SAMTOR: variants seen among roughly 807,000 people sequenced by gnomAD.
The protein encoded by SAMTOR is S-adenosylmethionine sensor upstream of mTORC1.
the SAMTOR span, among the ~76,000 whole-genome samples, chr7:112,850,729 G>C: frequency 1.3e-5 from 2 of 152,110 alleles, no homozygotes; most frequent in East Asian, 1.9e-4. Flanking sequence ...ATGATTTTTT[G>C]TATTTCTGCA....
At chr7:112,927,059 T>C in the SAMTOR span, among the ~76,000 whole-genome samples, 10 of 152,024 alleles carry the variant, frequency 6.6e-5, no homozygotes, top group Non-Finnish European at 1.3e-4. Flanking sequence ...TGAGAAAAAG[T>C]ATTTTCATAA....
the SAMTOR span, among the ~76,000 whole-genome samples, chr7:112,856,221 GAA>G: frequency 6.6e-6 from 1 of 151,096 alleles, no homozygotes; most frequent in African/African-American, 2.4e-5. Context: ...TTTTAAAAAA[GAA>G]AAGTGTATTA....
the SAMTOR span, among the ~76,000 whole-genome samples, chr7:112,862,517 G>A: frequency 3.9e-5 from 6 of 152,146 alleles, no homozygotes; most frequent in African/African-American, 7.2e-5. Context: ...GCCTTGAGAC[G>A]TAGAAAATAA....
the SAMTOR span, among the ~76,000 whole-genome samples, chr7:112,908,583 A>G: frequency 6.6e-6 from 1 of 152,220 alleles, no homozygotes; most frequent in Non-Finnish European, 1.5e-5. Flanking sequence ...AAATACAGTA[A>G]TTCTCATATT....
the SAMTOR span, among the ~76,000 whole-genome samples, chr7:112,917,912 G>T: frequency 6.6e-6 from 1 of 152,162 alleles, no homozygotes; most frequent in Admixed American, 6.5e-5. Flanking sequence ...AGAATAAAAA[G>T]AAATGAACAA....
chr7:112,869,243 G>A, the SAMTOR span, among the ~76,000 whole-genome samples: 2 of 152,118 alleles, frequency 1.3e-5, no homozygotes, highest in Non-Finnish European at 2.9e-5. Flanking sequence ...GGACCAGAGC[G>A]TGTGGGCTGA....
chr7:112,910,925 A>C, the SAMTOR span, among the ~76,000 whole-genome samples: 31 of 152,198 alleles, frequency 2.0e-4, no homozygotes. Context: ...AGAAATCATG[A>C]GAGATGAGAA....
At chr7:112,899,378 A>T in the SAMTOR span, among the ~76,000 whole-genome samples, 2 of 152,112 alleles carry the variant, frequency 1.3e-5, no homozygotes, top group Non-Finnish European at 2.9e-5. Flanking sequence ...CAAAATACAG[A>T]ATCAGGGGAG....
the SAMTOR span, among the ~76,000 whole-genome samples, chr7:112,851,886 C>G: frequency 6.6e-6 from 1 of 152,112 alleles, no homozygotes; most frequent in South Asian, 2.1e-4. Context: ...AAGTTTCCAA[C>G]AAATATATGA....
chr7:112,914,141 G>A, the SAMTOR span, among the ~76,000 whole-genome samples: 2 of 152,226 alleles, frequency 1.3e-5, no homozygotes, highest in Admixed American at 1.3e-4. Context: ...CATTATTACA[G>A]TTTTAAAATG....
chr7:112,873,750 A>G, the SAMTOR span, among the ~76,000 whole-genome samples: 3 of 152,204 alleles, frequency 2.0e-5, no homozygotes, highest in African/African-American at 7.2e-5. Flanking sequence ...TGCACCGCAA[A>G]AGAAACTATC....
At chr7:112,867,200 C>G in the SAMTOR span, among the ~76,000 whole-genome samples, 3 of 152,176 alleles carry the variant, frequency 2.0e-5, no homozygotes, top group Admixed American at 2.0e-4. Context: ...AGTTGTCAAT[C>G]TTAATACAAT....
At chr7:112,938,069 G>A in the SAMTOR span, among the ~76,000 whole-genome samples, 1 of 151,984 alleles carries the variant, frequency 6.6e-6, no homozygotes, top group African/African-American at 2.4e-5. Flanking sequence ...CAAAATAGCA[G>A]GATAAATTGC....
chr7:112,896,339 A>G, the SAMTOR span, among the ~76,000 whole-genome samples: 1 of 152,210 alleles, frequency 6.6e-6, no homozygotes, highest in Non-Finnish European at 1.5e-5. Context: ...AAGCTATTTT[A>G]TCATTCTCCA....
chr7:112,854,605 TTC>T, the SAMTOR span, among the ~76,000 whole-genome samples: 2 of 152,216 alleles, frequency 1.3e-5, no homozygotes, highest in African/African-American at 2.4e-5. Context: ...AGGAAATGTA[TTC>T]TCTTTTTGAA....
the SAMTOR span, among the ~76,000 whole-genome samples, chr7:112,932,539 C>T: frequency 3.3e-5 from 5 of 152,274 alleles, no homozygotes; most frequent in East Asian, 1.9e-4. Flanking sequence ...TTCTTCTGTG[C>T]GTGTGCCTTA....
the SAMTOR span, among the ~76,000 whole-genome samples, chr7:112,841,279 C>T: frequency 6.6e-6 from 1 of 152,116 alleles, no homozygotes; most frequent in African/African-American, 2.4e-5. Flanking sequence ...CATTCGTATA[C>T]ACCAATAATA....
At chr7:112,831,067 C>T in the SAMTOR span, among the ~76,000 whole-genome samples, 1 of 151,650 alleles carries the variant, frequency 6.6e-6, no homozygotes, top group Non-Finnish European at 1.5e-5. Context: ...AGGCACTCTT[C>T]TAGGTACTGG....
chr7:112,869,954 A>C, the SAMTOR span, among the ~76,000 whole-genome samples: 9 of 152,354 alleles, frequency 5.9e-5, no homozygotes, highest in African/African-American at 1.9e-4. Flanking sequence ...AAGCAGAAGA[A>C]AGAATTTCAG....
Sources: allele counts gnomAD v4.1 joint callset (sites outside exome capture counted in the v4.1 genomes callset), GRCh38; gene constraint gnomAD v4.1.1; transcripts MANE v1.5; gene names NCBI Gene and HGNC (gene_info 2026-07-23, HGNC 2026-07-21).